WDR1: variants seen among roughly 807,000 people sequenced by gnomAD.
The protein encoded by WDR1 is WD repeat-containing protein 1.
WDR1 carries 21 observed loss-of-function variants against 71.9 expected under a neutral mutation model. The ratio of observed to expected loss-of-function variants is 0.29; its 90% CI spans 0.21 to 0.42. The LOEUF is 0.42. Among genes scored for constraint, WDR1 ranks in the 10% least tolerant of loss-of-function variants. The probability of loss-of-function intolerance (pLI) is 1.00; values close to 1 mark genes in which losing one functional copy is unlikely to be tolerated. For synonymous variants in WDR1, 424 were observed against 347.4 expected (o/e 1.22, Z -2.45); for missense variants, 696 against 824.5 (o/e 0.84, Z 1.91).
At chr4:10,092,738 C>T (rs569055621) in intron 5 of WDR1, 35 of 268,502 alleles carry the variant, frequency 1.3e-4, no homozygotes, top group South Asian at 1.2e-3. Context: ...AAAAATAGCC[C>T]TTTCCACACG....
intron 8 of WDR1, among the ~76,000 whole-genome samples, chr4:10,085,571 A>G (rs1273281520): frequency 1.3e-5 from 2 of 152,218 alleles, no homozygotes; most frequent in Non-Finnish European, 2.9e-5. Flanking sequence ...CTGCCAAATC[A>G]GAACGTGCAC....
chr4:10,099,022 C>A lies in WDR1; in HGVS notation c.347G>T (p.Arg116Met). 2 of 1,614,046 alleles carry A rather than the reference C, an allele frequency of 1.2e-6. No homozygotes were observed. The highest frequency in any genetic ancestry group is 1.7e-6 in the Non-Finnish European group (2 of 1,179,900). ...KDIAWTEDSK[R>M]IAVVGEGREK... is the part of the protein sequence containing the mutation. The stretch of plus-strand genomic sequence containing the variant: ...CCTTCCTTCCCCGACCACGGCGATC[C>A]TCTTACTGTCTTCAGTCCAAGCAAT... Residue 116 changes from arginine to methionine, a missense_variant, in exon 4 of 15, where the codon AGG (arginine) becomes ATG (methionine). Physicochemically the swap from Arg to Met is moderately conservative, Grantham distance 91 (BLOSUM62 -1). Transcript: ENST00000499869.
intron 2 of WDR1, 34 bp downstream of exon 2, chr4:10,116,079 G>C (rs887150498): frequency 2.1e-5 from 34 of 1,604,008 alleles, no homozygotes; most frequent in East Asian, 9.1e-5. Flanking sequence ...GGTGGCTCCG[G>C]AGCAGAACCG....
intron 5 of WDR1, among the ~76,000 whole-genome samples, 156 bp downstream of exon 5, chr4:10,097,555 C>A (rs774339508): frequency 6.6e-6 from 1 of 152,222 alleles, no homozygotes; most frequent in African/African-American, 2.4e-5. Flanking sequence ...GTGGGGGAGC[C>A]CTCCCTCTCT....
chr4:10,088,575 G>T, intron 6 of WDR1, 89 bp downstream of exon 6: 1 of 1,249,268 alleles, frequency 8.0e-7, no homozygotes, highest in Non-Finnish European at 1.1e-6. Context: ...TGCATGTCAG[G>T]ACTAGCATTA....
At chr4:10,081,232 A>C in intron 11 of WDR1, 125 bp downstream of exon 11, 1 of 763,040 alleles carries the variant, frequency 1.3e-6, no homozygotes. Flanking sequence ...CCCTTAGTGC[A>C]GTGCAAATGA....
chr4:10,083,872 A>C (rs994845576), intron 9 of WDR1, among the ~76,000 whole-genome samples: 2 of 152,224 alleles, frequency 1.3e-5, no homozygotes, highest in Non-Finnish European at 2.9e-5. Context: ...ACAAGGACTT[A>C]TAAGGGGGAC....
intron 3 of WDR1, among the ~76,000 whole-genome samples, chr4:10,103,529 TC>T (rs1712832125): frequency 6.6e-6 from 1 of 152,056 alleles, no homozygotes; most frequent in Non-Finnish European, 1.5e-5. Context: ...TCTTTTGGCT[TC>T]CCTGGGCCAC....
At chr4:10,078,695 G>T in intron 12 of WDR1, 196 bp downstream of exon 12, 1 of 536,294 alleles carries the variant, frequency 1.9e-6, no homozygotes, top group Middle Eastern at 2.8e-4. Context: ...GAGGAGGGGA[G>T]GGGAAGGCTC....
chr4:10,095,641 G>GA (rs1429624592), intron 5 of WDR1, among the ~76,000 whole-genome samples: 1 of 152,250 alleles, frequency 6.6e-6, no homozygotes, highest in Non-Finnish European at 1.5e-5. Context: ...TTTGGGGGCA[G>GA]GTGTGGGGTC....
chr4:10,094,942 A>G lies in WDR1; in HGVS notation c.558+2769T>C, dbSNP rs1343692109. On this transcript the variant is annotated intron_variant, in intron 5 of 14. Transcript: ENST00000499869. ...TCCTTTTCAAGGCAGCAGCTCCAAC[A>G]CGACCCAGCTGGTCCCTCCGCAGTC... is the stretch of plus-strand genomic sequence containing the variant. 2.0e-5 allele frequency: 3 copies of G among 152,294 alleles called. No homozygotes were observed. In the East Asian group the frequency reaches 5.8e-4, roughly 29 times the overall value. The allele number at this position is 152,294 out of a possible 1,614,324, so 9.4% of individuals were successfully genotyped here. A position where few individuals can be genotyped will look rare whatever the true frequency, so the allele number is the denominator to read the frequency against.
At chr4:10,114,769 A>G (rs907922556) in intron 2 of WDR1, among the ~76,000 whole-genome samples, 6 of 152,122 alleles carry the variant, frequency 3.9e-5, no homozygotes, top group African/African-American at 1.4e-4. Flanking sequence ...CTTTCTAGGA[A>G]TCTGTGTGAC....
intron 5 of WDR1, chr4:10,092,968 G>A (rs1418329384): frequency 1.0e-6 from 1 of 990,136 alleles, no homozygotes; most frequent in Non-Finnish European, 1.4e-6. Context: ...CCAACACATA[G>A]CCAAGACTGA....
chr4:10,093,922 A>C (rs1712167382), intron 5 of WDR1, among the ~76,000 whole-genome samples: 1 of 152,228 alleles, frequency 6.6e-6, no homozygotes, highest in African/African-American at 2.4e-5. Context: ...TTTTGAGCTC[A>C]AATTTTCCTT....
At chr4:10,095,614 C>G (rs145547315) in intron 5 of WDR1, among the ~76,000 whole-genome samples, 2 of 152,334 alleles carry the variant, frequency 1.3e-5, no homozygotes, top group East Asian at 3.9e-4. Flanking sequence ...CAAAGTGTAT[C>G]TGCAACTCAG....
At chr4:10,101,532 T>C (rs772250002) in intron 3 of WDR1, among the ~76,000 whole-genome samples, 7 of 152,264 alleles carry the variant, frequency 4.6e-5, no homozygotes, top group Non-Finnish European at 8.8e-5. Flanking sequence ...CCAAGAACAC[T>C]TGGACCTGAG....
rs186939088 is a variant in WDR1 at position 10,107,443 on chromosome 4, C to T, written c.139-3457G>A. Among the ~76,000 whole-genome samples, 28 of 152,340 alleles carry T rather than the reference C, an allele frequency of 1.8e-4. No homozygotes were observed. In the East Asian group the frequency reaches 4.4e-3, roughly 24 times the overall value. On this transcript the variant is annotated intron_variant, in intron 2 of 14. Coordinates refer to ENST00000499869, the MANE Select transcript of WDR1 (RefSeq NM_017491.5). The stretch of plus-strand genomic sequence containing the variant: ...CTTCAAATCCCGACCCTGATTACCT[C>T]ACGGTCCGGCTTGCAACCCACCCTT...
At position 10,116,794 on chromosome 4, in the gene WDR1, T is replaced by A. The variant is rs995421394; in HGVS notation, c.-128A>T. On this transcript the variant is annotated 5_prime_UTR_variant, in exon 1 of 15. Transcript: ENST00000499869. Reference sequence around the variant, plus strand: ...AAGGCGGCACCGGGCGTGCCGGGAGTGGAGTGGGCGGTCCGAGGCCGGGGC... The same window carrying A: ...AAGGCGGCACCGGGCGTGCCGGGAGAGGAGTGGGCGGTCCGAGGCCGGGGC... 1 of 1,114,420 alleles carries A rather than the reference T, an allele frequency of 9.0e-7. No individual in the cohort carries two copies. Among genetic ancestry groups the A allele is most frequent in the African/African-American group, 1.7e-5 (1 of 60,526 alleles). The allele number at this position is 1,114,420 out of a possible 1,614,324, so 69.0% of individuals were successfully genotyped here.
chr4:10,075,701 T>C (rs1764773697), intron 14 of WDR1: 1 of 588,836 alleles, frequency 1.7e-6, no homozygotes, highest in East Asian at 2.8e-5. Flanking sequence ...CTTTTTTGTG[T>C]GCTGCAGGGT....
Sources: allele counts gnomAD v4.1 joint callset (sites outside exome capture counted in the v4.1 genomes callset), GRCh38; gene constraint gnomAD v4.1.1; transcripts MANE v1.5; gene names NCBI Gene and HGNC (gene_info 2026-07-23, HGNC 2026-07-21).